AAGAB: variants seen among roughly 807,000 people sequenced by gnomAD.
AAGAB encodes the protein alpha and gamma adaptin binding protein.
Under a neutral mutation model 44.1 loss-of-function variants are expected in AAGAB, and 38 were observed. The ratio of observed to expected loss-of-function variants is 0.86; its 90% CI spans 0.67 to 1.13. The LOEUF (loss-of-function observed/expected upper bound fraction) is 1.13. Among genes scored for constraint, AAGAB ranks in the 50% most tolerant of loss-of-function variants. AAGAB has a pLI of 0.00. For missense variants in AAGAB, 450 were observed against 373.8 expected, an observed-to-expected ratio of 1.20 and a Z score of -1.68; for synonymous variants, 131 against 131.8, an observed-to-expected ratio of 0.99 and a Z score of 0.04.
chr15:67,220,840 G>A (rs1238646729), intron 5 of AAGAB, among the ~76,000 whole-genome samples: 2 of 152,190 alleles, frequency 1.3e-5, no homozygotes, highest in Non-Finnish European at 2.9e-5. Flanking sequence ...AGAATTCACT[G>A]TAGGCTTTTT....
chr15:67,213,793 GTGCTAAATA>G (rs1963879502), intron 5 of AAGAB, among the ~76,000 whole-genome samples: 2 of 152,282 alleles, frequency 1.3e-5, no homozygotes, highest in South Asian at 4.1e-4. Context: ...CATTTACTAA[GTGCTAAATA>G]TGTGCAAGGT....
chr15:67,225,629 T>C (rs1265220296), intron 5 of AAGAB, among the ~76,000 whole-genome samples: 1 of 152,254 alleles, frequency 6.6e-6, no homozygotes, highest in Non-Finnish European at 1.5e-5. Flanking sequence ...GGATATTTCA[T>C]ATGAATGAAA....
At chr15:67,226,101 T>C (rs547395966) in intron 5 of AAGAB, among the ~76,000 whole-genome samples, 11 of 152,266 alleles carry the variant, frequency 7.2e-5, no homozygotes, top group African/African-American at 2.4e-4. Context: ...TGATTTGCAT[T>C]TTCCTGGTGA....
At chr15:67,209,935 G>C (rs1378583112) in intron 5 of AAGAB, among the ~76,000 whole-genome samples, 1 of 152,076 alleles carries the variant, frequency 6.6e-6, no homozygotes, top group African/African-American at 2.4e-5. Context: ...GAAACTGCCA[G>C]GATTACAGGC....
At chr15:67,211,094 C>G (rs1963808051) in intron 5 of AAGAB, among the ~76,000 whole-genome samples, 1 of 152,208 alleles carries the variant, frequency 6.6e-6, no homozygotes, top group African/African-American at 2.4e-5. Flanking sequence ...TTGGGAAGAT[C>G]TGCCTTTTAA....
At chr15:67,221,048 C>T (rs1964053673) in intron 5 of AAGAB, 2 of 152,220 alleles carry the variant, frequency 1.3e-5, no homozygotes, top group African/African-American at 4.8e-5. Context: ...CCCTGTAATA[C>T]AGATTCCAGC....
chr15:67,254,538 C>A, intron 1 of AAGAB, 21 bp downstream of exon 1: 1 of 1,594,926 alleles, frequency 6.3e-7, no homozygotes, highest in Non-Finnish European at 8.5e-7. Flanking sequence ...TGGAGGTCGG[C>A]CCAGGCGCCT....
At chr15:67,214,460 C>A (rs1161672857) in intron 5 of AAGAB, among the ~76,000 whole-genome samples, 1 of 152,184 alleles carries the variant, frequency 6.6e-6, no homozygotes, top group Non-Finnish European at 1.5e-5. Flanking sequence ...CTGGAGAATT[C>A]TTTGGTGTGT....
intron 1 of AAGAB, among the ~76,000 whole-genome samples, chr15:67,250,176 T>C (rs1012314081): frequency 2.0e-5 from 3 of 152,180 alleles, no homozygotes; most frequent in East Asian, 1.9e-4. Flanking sequence ...TTCTTTCTTT[T>C]TTTTCTTTAC....
chr15:67,239,194 T>C (rs1964540209), intron 1 of AAGAB, among the ~76,000 whole-genome samples: 1 of 152,156 alleles, frequency 6.6e-6, no homozygotes, highest in African/African-American at 2.4e-5. Flanking sequence ...TATCAAAAAA[T>C]TGGGGTTATG....
intron 7 of AAGAB, among the ~76,000 whole-genome samples, chr15:67,207,856 TTTC>T (rs67763639): frequency 0.67 from 101,895 of 151,634 alleles, 34,861 homozygotes; most frequent in Middle Eastern, 0.82. Context: ...TACATAATTT[TTTC>T]TTCTTCTTCA....
At chr15:67,232,577 AG>A (rs1964366290) in intron 4 of AAGAB, 1 of 417,812 alleles carries the variant, frequency 2.4e-6, no homozygotes. Flanking sequence ...GGGAAAAAGT[AG>A]CCAAAATGTA....
chr15:67,230,759 T>C (rs1964315890), intron 5 of AAGAB, among the ~76,000 whole-genome samples: 1 of 152,176 alleles, frequency 6.6e-6, no homozygotes, highest in African/African-American at 2.4e-5. Flanking sequence ...ATCCAGCCTT[T>C]TGTCTCATGG....
chr15:67,249,093 G>A (rs1193466062), intron 1 of AAGAB, among the ~76,000 whole-genome samples: 1 of 151,912 alleles, frequency 6.6e-6, no homozygotes, highest in Non-Finnish European at 1.5e-5. Context: ...GGAGTGCAGT[G>A]GCGTGATCTG....
intron 6 of AAGAB, 148 bp from the exon 7 acceptor site, chr15:67,208,806 A>G: frequency 3.2e-6 from 2 of 618,670 alleles, no homozygotes; most frequent in South Asian, 4.6e-5. Context: ...GATCACATTA[A>G]AAAAATAAAA....
chr15:67,209,445 C>G lies in AAGAB; in HGVS notation c.618+17G>C. 6.2e-7 allele frequency: 1 copy of G among 1,605,610 alleles called. No individual in the cohort carries two copies. Among genetic ancestry groups the G allele is most frequent in the East Asian group, 2.2e-5 (1 of 44,806 alleles). ...TTAAAGCCAAAGAGGGAAAAAAGAT[C>G]CAAGAAAAACCTTTACCTCTGGGTG... On this transcript the variant is annotated intron_variant, in intron 6 of 9. Transcript: ENST00000261880.
intron 1 of AAGAB, among the ~76,000 whole-genome samples, chr15:67,246,316 C>G (rs1000146072): frequency 6.7e-6 from 1 of 149,492 alleles, no homozygotes; most frequent in African/African-American, 2.5e-5. Context: ...CACTTGAGCC[C>G]GGGAGGCGAA....
At chr15:67,220,502 G>A (rs1397392671) in intron 5 of AAGAB, 1 of 152,226 alleles carries the variant, frequency 6.6e-6, no homozygotes, top group Non-Finnish European at 1.5e-5. Flanking sequence ...GTGAATATGA[G>A]CATGTTACTC....
At chr15:67,223,594 T>C (rs971916325) in intron 5 of AAGAB, among the ~76,000 whole-genome samples, 4 of 152,200 alleles carry the variant, frequency 2.6e-5, no homozygotes, top group African/African-American at 9.6e-5. Context: ...CTCTTTCATT[T>C]GGAATATTGT....
Sources: gnomAD v4.1 joint callset for allele counts (sites outside exome capture counted in the v4.1 genomes callset) on GRCh38, gnomAD v4.1.1 for gene constraint, MANE v1.5 for transcripts, NCBI Gene and HGNC (gene_info 2026-07-23, HGNC 2026-07-21) for gene names.